The following PSMA1 variants were observed in gnomAD, a reference collection of about 807,000 sequenced individuals.
PSMA1 encodes the protein proteasome 20S subunit alpha 1, also known as proteasome subunit alpha type-1.
In PSMA1, 3 loss-of-function variants were observed where a neutral mutation model predicts 38.4. The ratio of observed to expected loss-of-function variants is 0.08; its 90% CI spans 0.04 to 0.20. The LOEUF is 0.20. Ranked by LOEUF, PSMA1 falls within the 10% of genes least tolerant of loss-of-function variation. PSMA1 has a pLI of 1.00. For synonymous variants in PSMA1, 101 were observed against 107.1 expected (o/e 0.94, Z 0.35); for missense variants, 227 against 325.3 (o/e 0.70, Z 2.32).
chr11:14,559,962 T>G (rs1276938801), intron 2 of PSMA1, among the ~76,000 whole-genome samples: 1 of 152,136 alleles, frequency 6.6e-6, no homozygotes, highest in East Asian at 1.9e-4. Flanking sequence ...TCTTGGCCAA[T>G]CCTACAGGGA....
At chr11:14,568,620 T>C (rs1035185547) in intron 2 of PSMA1, among the ~76,000 whole-genome samples, 1 of 152,220 alleles carries the variant, frequency 6.6e-6, no homozygotes, top group African/African-American at 2.4e-5. Context: ...CTTGCAAAAG[T>C]GTCCTTACAA....
At chr11:14,612,623 G>A (rs2134199289) in intron 1 of PSMA1, among the ~76,000 whole-genome samples, 1 of 152,084 alleles carries the variant, frequency 6.6e-6, no homozygotes, top group Middle Eastern at 3.4e-3. Flanking sequence ...TAGATGACTA[G>A]GACATAGACT....
At chr11:14,594,735 C>T (rs57972122) in intron 2 of PSMA1, among the ~76,000 whole-genome samples, 12,303 of 152,104 alleles carry the variant, frequency 0.081, 521 homozygotes, top group East Asian at 0.13. Flanking sequence ...TATGGGTCTA[C>T]TTATGGGTTG....
At chr11:14,623,402 G>A (rs577288005) in intron 1 of PSMA1, among the ~76,000 whole-genome samples, 11 of 152,308 alleles carry the variant, frequency 7.2e-5, no homozygotes, top group South Asian at 6.2e-4. Flanking sequence ...TTCCCAGTGC[G>A]TGGATCTGTA....
At chr11:14,507,633 C>T (rs1035544082) in intron 9 of PSMA1, 23 bp downstream of exon 9, 1 of 1,453,998 alleles carries the variant, frequency 6.9e-7, no homozygotes. Flanking sequence ...AGAACTAAAG[C>T]CTCTTGTGTT....
At chr11:14,514,009 A>G in intron 5 of PSMA1, 122 bp from the exon 6 acceptor site, 1 of 1,360,084 alleles carries the variant, frequency 7.4e-7, no homozygotes, top group Non-Finnish European at 9.5e-7. Flanking sequence ...CACCAGAGAA[A>G]TAATGCAATA....
At chr11:14,507,571 A>T in intron 9 of PSMA1, 85 bp downstream of exon 9, 1 of 951,196 alleles carries the variant, frequency 1.1e-6, no homozygotes, top group Non-Finnish European at 1.6e-6. Context: ...AATATTTAAG[A>T]CAAAATGGAA....
intron 2 of PSMA1, among the ~76,000 whole-genome samples, chr11:14,529,696 C>T (rs978096320): frequency 6.6e-6 from 1 of 152,192 alleles, no homozygotes; most frequent in African/African-American, 2.4e-5. Flanking sequence ...TAACTCTCAC[C>T]TTAGCCCAAT....
chr11:14,510,544 T>A (rs1291771040), intron 8 of PSMA1, among the ~76,000 whole-genome samples: 1 of 152,230 alleles, frequency 6.6e-6, no homozygotes, highest in African/African-American at 2.4e-5. Context: ...TTGTGTTTAC[T>A]GTATTTTCAA....
intron 2 of PSMA1, chr11:14,610,910 G>A (rs1459869582): frequency 3.2e-6 from 5 of 1,556,264 alleles, no homozygotes; most frequent in African/African-American, 1.4e-5. Context: ...GGCTCACATA[G>A]TGAGATGTGA....
intron 2 of PSMA1, among the ~76,000 whole-genome samples, chr11:14,584,102 G>GCTATGTAA (rs1289572530): frequency 6.6e-6 from 1 of 152,154 alleles, no homozygotes; most frequent in Non-Finnish European, 1.5e-5. Context: ...TTGGATCAAA[G>GCTATGTAA]CTATGTAAGA....
intron 2 of PSMA1, among the ~76,000 whole-genome samples, chr11:14,564,576 G>A (rs367842894): frequency 1.1e-4 from 16 of 152,220 alleles, no homozygotes; most frequent in African/African-American, 3.9e-4. Flanking sequence ...CAATTGCTGG[G>A]TTGTATGGTA....
chr11:14,588,383 G>C lies in PSMA1; in HGVS notation c.21+22583C>G, dbSNP rs1403454426. ...AGGAGTAGGTGGAGGGAGATGTAGG[G>C]AGAGACCTTGAAATCCTTGATAGCT... On this transcript the variant is annotated intron_variant, in intron 2 of 10. Transcript: ENST00000418988. Among the ~76,000 whole-genome samples, 3 of 152,202 alleles carry C rather than the reference G, an allele frequency of 2.0e-5. No individual in the cohort carries two copies. In the East Asian group the frequency reaches 5.8e-4, roughly 29 times the overall value.
chr11:14,575,555 C>T (rs1852202882), intron 2 of PSMA1, among the ~76,000 whole-genome samples: 1 of 152,104 alleles, frequency 6.6e-6, no homozygotes, highest in African/African-American at 2.4e-5. Context: ...TGATGGTTTC[C>T]AGCTTCCTCC....
At chr11:14,517,857 G>A (rs772033034) in intron 3 of PSMA1, 23 bp downstream of exon 3, 1 of 1,554,748 alleles carries the variant, frequency 6.4e-7, no homozygotes, top group Non-Finnish European at 8.8e-7. Context: ...TACAGAGGAA[G>A]ACATATTTAT....
intron 2 of PSMA1, among the ~76,000 whole-genome samples, chr11:14,577,181 T>C (rs1852228310): frequency 1.3e-5 from 2 of 152,214 alleles, no homozygotes; most frequent in African/African-American, 4.8e-5. Flanking sequence ...AAGAAATCAG[T>C]ATGTTATTTA....
intron 4 of PSMA1, among the ~76,000 whole-genome samples, 193 bp from the exon 5 acceptor site, chr11:14,514,684 T>C (rs1308405936): frequency 6.6e-6 from 1 of 152,190 alleles, no homozygotes. Flanking sequence ...ATAAGGTTTT[T>C]AAAAAAGACT....
chr11:14,544,280 C>T (rs927860409), intron 2 of PSMA1, among the ~76,000 whole-genome samples: 1 of 152,142 alleles, frequency 6.6e-6, no homozygotes, highest in Non-Finnish European at 1.5e-5. Context: ...GCAACCCGCC[C>T]GCCTTGGCCT....
At chr11:14,523,083 C>T (rs1201366253), upstream of PSMA1, among the ~76,000 whole-genome samples, 2 of 152,118 alleles carry the variant, frequency 1.3e-5, no homozygotes, top group Admixed American at 1.3e-4. Context: ...TTATTCACAG[C>T]AATTGTCTGT....
Sources: allele counts gnomAD v4.1 joint callset (sites outside exome capture counted in the v4.1 genomes callset), GRCh38; gene constraint gnomAD v4.1.1; transcripts MANE v1.5; gene names NCBI Gene and HGNC (gene_info 2026-07-23, HGNC 2026-07-21).